PDE1A: variants seen among roughly 807,000 people sequenced by gnomAD.
The protein encoded by PDE1A is phosphodiesterase 1A.
Under a neutral mutation model 61.7 loss-of-function variants are expected in PDE1A, and 35 were observed. The observed-to-expected ratio is 0.57, with a 90% CI of 0.43 to 0.75. The LOEUF (loss-of-function observed/expected upper bound fraction) is 0.75, where lower values mean the gene tolerates loss of function less well. Ranked by LOEUF, PDE1A falls within the 30% of genes least tolerant of loss-of-function variation. The pLI, the probability that PDE1A is intolerant of heterozygous loss-of-function variation, is 0.00. For missense variants in PDE1A, 597 were observed against 630.6 expected (o/e 0.95, Z 0.57); for synonymous variants, 232 against 213.2 (o/e 1.09, Z -0.77).
At chr2:182,189,098 G>T in intron 10 of PDE1A, 38 bp from the exon 11 acceptor site, 1 of 1,401,834 alleles carries the variant, frequency 7.1e-7, no homozygotes, top group Non-Finnish European at 1.0e-6. Flanking sequence ...GACTTGGGTT[G>T]GAGAAGCTAA....
intron 1 of PDE1A, among the ~76,000 whole-genome samples, chr2:182,356,002 T>C (rs1480260345): frequency 6.6e-6 from 1 of 152,238 alleles, no homozygotes; most frequent in African/African-American, 2.4e-5. Flanking sequence ...GTTTCTAGCA[T>C]GCAAGTGTTG....
the PDE1A span, among the ~76,000 whole-genome samples, chr2:182,560,048 G>A: frequency 0.82 from 124,485 of 151,318 alleles, 51,563 homozygotes; most frequent in East Asian, 0.99. Context: ...GGATGGATGA[G>A]GAAGAGATAG....
chr2:182,433,156 C>T (rs543816362), intron 2 of PDE1A, among the ~76,000 whole-genome samples: 39 of 152,172 alleles, frequency 2.6e-4, no homozygotes, highest in Admixed American at 1.0e-3. Flanking sequence ...AGCAGAACTT[C>T]CTGAGACTCC....
At position 182,205,355 on chromosome 2, in the gene PDE1A, G is replaced by T. The variant is rs73043813; in HGVS notation, c.902+585C>A. Among the ~76,000 whole-genome samples the T allele has an allele frequency of 7.3e-3, 1,107 of 152,168 alleles. 10 individuals carry two copies. The highest frequency in any genetic ancestry group is 0.024 in the African/African-American group (1,010 of 41,518). ...GACCAAAGGATCAAGAAAAAGAGAA[G>T]AAAGGTTATAAGAGGGATGGGGGTA... On this transcript the variant is annotated intron_variant, in intron 8 of 13. Coordinates refer to ENST00000351439, the Ensembl canonical transcript of PDE1A.
chr2:182,187,869 C>G (rs769732098), intron 11 of PDE1A, among the ~76,000 whole-genome samples: 5 of 151,100 alleles, frequency 3.3e-5, no homozygotes, highest in Non-Finnish European at 5.9e-5. Context: ...CTCGGCCTCC[C>G]GAGTAGCTGG....
chr2:182,672,737 T>C, the PDE1A span, among the ~76,000 whole-genome samples: 2 of 152,232 alleles, frequency 1.3e-5, no homozygotes, highest in African/African-American at 4.8e-5. Flanking sequence ...GCATTCATGA[T>C]AAGCTGCCTC....
At chr2:182,272,505 A>G (rs749092576) in intron 1 of PDE1A, among the ~76,000 whole-genome samples, 4 of 152,176 alleles carry the variant, frequency 2.6e-5, no homozygotes, top group African/African-American at 4.8e-5. Context: ...AACAACTTCA[A>G]AAATTTGAAT....
the PDE1A span, among the ~76,000 whole-genome samples, chr2:182,582,811 T>C: frequency 3.9e-5 from 6 of 152,202 alleles, no homozygotes; most frequent in African/African-American, 1.4e-4. Flanking sequence ...CTAGTGACCA[T>C]AGGATCAGAG....
intron 2 of PDE1A, among the ~76,000 whole-genome samples, chr2:182,478,867 T>C (rs902887712): frequency 4.6e-5 from 7 of 151,884 alleles, no homozygotes; most frequent in Admixed American, 3.3e-4. Context: ...GCTTATGACT[T>C]TAAAAAGGTT....
At chr2:182,671,742 C>A in the PDE1A span, among the ~76,000 whole-genome samples, 1 of 151,328 alleles carries the variant, frequency 6.6e-6, no homozygotes, top group Non-Finnish European at 1.5e-5. Flanking sequence ...ACCTCAGCCT[C>A]CCAAGTAGCT....
the PDE1A span, among the ~76,000 whole-genome samples, chr2:182,648,511 CAAAAAAA>C: frequency 2.1e-4 from 16 of 76,220 alleles, no homozygotes; most frequent in Non-Finnish European, 3.1e-4. Flanking sequence ...CCTGTCCCCA[CAAAAAAA>C]AAAAAAAAAA....
intron 1 of PDE1A, among the ~76,000 whole-genome samples, chr2:182,318,149 A>C (rs1032037383): frequency 6.6e-6 from 1 of 152,236 alleles, no homozygotes; most frequent in African/African-American, 2.4e-5. Flanking sequence ...CAAACATGAA[A>C]ATTTCAGGCT....
At position 182,205,928 on chromosome 2, in the gene PDE1A, T is replaced by C. The variant is rs1490052772; in HGVS notation, c.902+12A>G. 5.0e-6 allele frequency: 8 copies of C among 1,598,028 alleles called. No individual in the cohort carries two copies. Among genetic ancestry groups the C allele is most frequent in the Non-Finnish European group, 6.8e-6 (8 of 1,171,150 alleles). On this transcript the variant is annotated intron_variant, in intron 8 of 13. Transcript: ENST00000351439. ...GAAATTAAATTTCCTCTAGGTTTTC[T>C]CTGAAACTCACCTCCAGTCATCTTT...
the PDE1A span, among the ~76,000 whole-genome samples, chr2:182,562,609 G>A: frequency 7.2e-5 from 11 of 151,994 alleles, no homozygotes; most frequent in Non-Finnish European, 1.3e-4. Context: ...TCTATTGATT[G>A]GAATAGTTTC....
At chr2:182,702,190 G>A in the PDE1A span, among the ~76,000 whole-genome samples, 808 of 152,196 alleles carry the variant, frequency 5.3e-3, 6 homozygotes, top group African/African-American at 0.019. Context: ...TGCAACCTCC[G>A]CCTCCTGGGT....
At chr2:182,286,446 A>C (rs1176338415) in intron 1 of PDE1A, among the ~76,000 whole-genome samples, 1 of 152,116 alleles carries the variant, frequency 6.6e-6, no homozygotes, top group African/African-American at 2.4e-5. Flanking sequence ...TACCTATTTT[A>C]GTTAAGGTAA....
At chr2:182,418,607 C>CA (rs1345825330) in intron 1 of PDE1A, among the ~76,000 whole-genome samples, 1 of 151,984 alleles carries the variant, frequency 6.6e-6, no homozygotes, top group Non-Finnish European at 1.5e-5. Flanking sequence ...AAAGAAGAAT[C>CA]AAAAAAAGCA....
the PDE1A span, among the ~76,000 whole-genome samples, chr2:182,603,718 C>A: frequency 6.6e-6 from 1 of 152,140 alleles, no homozygotes; most frequent in African/African-American, 2.4e-5. Flanking sequence ...GATGTTTACA[C>A]TGAAATTTTA....
intron 1 of PDE1A, among the ~76,000 whole-genome samples, chr2:182,397,101 C>T (rs1369995682): frequency 1.3e-5 from 2 of 152,264 alleles, no homozygotes; most frequent in East Asian, 1.9e-4. Flanking sequence ...ATAGGCCTCA[C>T]TTCTCTGTTC....
Sources: gnomAD v4.1 joint callset for allele counts (sites outside exome capture counted in the v4.1 genomes callset) on GRCh38, gnomAD v4.1.1 for gene constraint, MANE v1.5 for transcripts, NCBI Gene and HGNC (gene_info 2026-07-23, HGNC 2026-07-21) for gene names.